The following REL variants were observed in gnomAD, a reference collection of about 807,000 sequenced individuals.
The protein encoded by REL is proto-oncogene c-Rel.
In REL, 15 loss-of-function variants were observed where a neutral mutation model predicts 45.9. The ratio of observed to expected loss-of-function variants is 0.33; its 90% CI spans 0.22 to 0.50. The LOEUF is 0.50. REL is among the 20% of genes least tolerant of loss of function. The pLI is 0.98. For missense variants in REL, 601 were observed against 715.2 expected (o/e 0.84, Z 1.82); for synonymous variants, 239 against 242.1 (o/e 0.99, Z 0.12).
chr2:60,900,420 T>G (rs1673461540), intron 3 of REL: 1 of 152,392 alleles, frequency 6.6e-6, no homozygotes, highest in Non-Finnish European at 1.5e-5. Flanking sequence ...ATCTATATTT[T>G]GGTATGTTTG....
chr2:60,896,269 A>C (rs561035324), intron 3 of REL, among the ~76,000 whole-genome samples: 1 of 152,292 alleles, frequency 6.6e-6, no homozygotes, highest in African/African-American at 2.4e-5. Context: ...TCAGCCTCCC[A>C]AAGTGCTGGG....
Position 60,925,453 on chromosome 2 carries a change from T to C in REL, c.*2918T>C, listed in dbSNP as rs1261111963. ...GAAATTATTATTTCAAAAGGAAATA[T>C]TTCTGTATTATAAATTTTTCATGAG... On this transcript the variant is annotated 3_prime_UTR_variant, in exon 10 of 10. Coordinates refer to ENST00000394479, the MANE Select transcript of REL (RefSeq NM_001291746.2). 1 of 184,570 alleles carries C rather than the reference T, an allele frequency of 5.4e-6. No homozygotes were observed. Among genetic ancestry groups the C allele is most frequent in the African/African-American group, 2.3e-5 (1 of 42,586 alleles). The allele number at this position is 184,570 out of a possible 1,614,324, so 11.4% of individuals were successfully genotyped here. A position where few individuals can be genotyped will look rare whatever the true frequency, so the allele number is the denominator to read the frequency against.
At chr2:60,911,127 G>A (rs903215003) in intron 4 of REL, among the ~76,000 whole-genome samples, 3 of 152,146 alleles carry the variant, frequency 2.0e-5, no homozygotes, top group African/African-American at 7.2e-5. Flanking sequence ...ATTCAACATC[G>A]TAGTGAAGGT....
intron 1 of REL, 54 bp from the exon 2 acceptor site, chr2:60,891,629 T>G: frequency 7.3e-7 from 1 of 1,369,116 alleles, no homozygotes; most frequent in Non-Finnish European, 9.8e-7. Context: ...TTAAAATCCA[T>G]TATTAATTGC....
intron 1 of REL, among the ~76,000 whole-genome samples, chr2:60,890,321 A>G (rs967554023): frequency 3.9e-5 from 6 of 152,214 alleles, no homozygotes; most frequent in African/African-American, 1.4e-4. Context: ...GGTAGGTGCT[A>G]TTATGATTAT....
In REL at chr2:60,926,369, A is replaced by G. The variant is rs1674267918; in HGVS notation, c.*3834A>G. The stretch of plus-strand genomic sequence containing the variant: ...AGCCATCTCTGTCTTTAGCTCCTAC[A>G]ATTTTCTTAGGATATTCTGGGAAAG... On this transcript the variant is annotated 3_prime_UTR_variant, in exon 10 of 10. Transcript: ENST00000394479. The G allele has an allele frequency of 8.6e-6, 2 of 232,056 alleles. No homozygotes were observed. The highest frequency in any genetic ancestry group is 2.2e-5 in the African/African-American group (1 of 45,198). 14.4% of individuals were successfully genotyped at this position (232,056 alleles called of 1,614,324 possible).
rs117220711 is a variant in REL, at chr2:60,919,475, G to C, written c.854-566G>C. ...GTCTTGCTCTGTCTTGCCCAGGCTG[G>C]AGTACAGTGGCGCAATCCTGGCTCA... On this transcript the variant is annotated intron_variant, in intron 7 of 9. Transcript: ENST00000394479. Among the ~76,000 whole-genome samples, 106 of 152,180 alleles carry C rather than the reference G, an allele frequency of 7.0e-4. 2 individuals are homozygous for C. In the East Asian group the frequency reaches 0.02, roughly 28 times the overall value.
intron 4 of REL, among the ~76,000 whole-genome samples, chr2:60,915,982 G>A (rs1164088655): frequency 6.6e-6 from 1 of 152,164 alleles, no homozygotes; most frequent in Non-Finnish European, 1.5e-5. Flanking sequence ...TCTTGTGTAT[G>A]TCATTTTTAT....
chr2:60,891,641 A>C (rs1033080797), intron 1 of REL, 42 bp from the exon 2 acceptor site: 5 of 1,474,442 alleles, frequency 3.4e-6, no homozygotes, highest in Non-Finnish European at 4.6e-6. Flanking sequence ...ATTAATTGCT[A>C]TATTAATCTC....
At chr2:60,908,625 A>T (rs568999423) in intron 4 of REL, among the ~76,000 whole-genome samples, 1 of 152,316 alleles carries the variant, frequency 6.6e-6, no homozygotes, top group African/African-American at 2.4e-5. Flanking sequence ...GTAATTATAT[A>T]TCATTTTCTA....
At chr2:60,882,382 G>A (rs1412218554) in intron 1 of REL, among the ~76,000 whole-genome samples, 2 of 152,044 alleles carry the variant, frequency 1.3e-5, no homozygotes, top group Admixed American at 6.6e-5. Context: ...ATGTTGCTTC[G>A]ACCAAGTGTA....
chr2:60,890,958 A>G (rs1394453778), intron 1 of REL, among the ~76,000 whole-genome samples: 1 of 152,210 alleles, frequency 6.6e-6, no homozygotes, highest in African/African-American at 2.4e-5. Context: ...CGTCCATGTT[A>G]TTATATGTAG....
At position 60,927,649 on chromosome 2, in the gene REL, C is replaced by T. The variant is rs899098509; in HGVS notation, c.*5114C>T. ...TTTTGAATGTCCAATGTGCAAAGCA[C>T]GATGTTGGAAATTATACAGAGGTGA... On this transcript the variant is annotated 3_prime_UTR_variant, in exon 10 of 10. Coordinates refer to ENST00000394479, the MANE Select transcript of REL (RefSeq NM_001291746.2). 17 of 229,530 alleles carry T rather than the reference C, an allele frequency of 7.4e-5. No individual in the cohort carries two copies. Among genetic ancestry groups the T allele is most frequent in the African/African-American group, 2.0e-4 (9 of 45,118 alleles). The allele number at this position is 229,530 out of a possible 1,614,324, so 14.2% of individuals were successfully genotyped here.
chr2:60,921,233 A>T (rs1430786069), intron 9 of REL, among the ~76,000 whole-genome samples: 2 of 152,174 alleles, frequency 1.3e-5, no homozygotes, highest in Non-Finnish European at 2.9e-5. Context: ...ATAATATGTA[A>T]ATAGATACAG....
chr2:60,923,958 C>T lies in REL; in HGVS notation c.*1423C>T, dbSNP rs371596822. On this transcript the variant is annotated 3_prime_UTR_variant, in exon 10 of 10. Transcript: ENST00000394479. ...CTTAAAAGTTGCAGGCCTAGACTCC[C>T]TGTCCTACCTCAGGTACCACCATAT... 3 of 233,028 alleles carry T rather than the reference C, an allele frequency of 1.3e-5. No homozygotes were observed. The Admixed American group carries it at 1.7e-4, about 13-fold the overall frequency. 14.4% of individuals were successfully genotyped at this position (233,028 alleles called of 1,614,324 possible).
intron 5 of REL, among the ~76,000 whole-genome samples, chr2:60,917,706 G>GTGTA (rs1183738188): frequency 1.3e-5 from 2 of 150,010 alleles, no homozygotes; most frequent in Non-Finnish European, 3.0e-5. Context: ...GTGTGTGTGT[G>GTGTA]TGTGTGTGTA....
chr2:60,902,567 G>T (rs1673526910), intron 4 of REL, among the ~76,000 whole-genome samples: 1 of 147,024 alleles, frequency 6.8e-6, no homozygotes. Context: ...TATTGTTTGG[G>T]TAGAACATAA....
intron 4 of REL, among the ~76,000 whole-genome samples, chr2:60,901,461 T>G (rs1673496314): frequency 6.6e-6 from 1 of 152,214 alleles, no homozygotes; most frequent in Non-Finnish European, 1.5e-5. Context: ...TGTGCCCAGC[T>G]ATTTATATCT....
chr2:60,921,656 G>C, intron 9 of REL, 107 bp from the exon 10 acceptor site: 1 of 958,032 alleles, frequency 1.0e-6, no homozygotes, highest in Non-Finnish European at 1.5e-6. Flanking sequence ...TGGTTTCCTT[G>C]ACATTTTTCT....
Sources: allele counts gnomAD v4.1 joint callset (sites outside exome capture counted in the v4.1 genomes callset), GRCh38; gene constraint gnomAD v4.1.1; transcripts MANE v1.5; gene names NCBI Gene and HGNC (gene_info 2026-07-23, HGNC 2026-07-21).